TBC1D30: variants seen among roughly 807,000 people sequenced by gnomAD.
The protein encoded by TBC1D30 is TBC1 domain family member 30.
Under a neutral mutation model 63.2 loss-of-function variants are expected in TBC1D30, and 31 were observed. The ratio of observed to expected loss-of-function variants is 0.49; its 90% CI spans 0.37 to 0.66. The LOEUF (loss-of-function observed/expected upper bound fraction) is 0.66, where lower values mean the gene tolerates loss of function less well. TBC1D30 is among the 30% of genes least tolerant of loss of function. The probability of loss-of-function intolerance (pLI) is 0.00; values close to 1 mark genes in which losing one functional copy is unlikely to be tolerated. For missense variants in TBC1D30, 810 were observed against 953.6 expected, an observed-to-expected ratio of 0.85 and a Z score of 1.98; for synonymous variants, 307 against 361.5, an observed-to-expected ratio of 0.85 and a Z score of 1.71.
intron 1 of TBC1D30, among the ~76,000 whole-genome samples, chr12:64,769,556 T>G (rs1870832977): frequency 6.6e-6 from 1 of 151,278 alleles, no homozygotes; most frequent in South Asian, 2.1e-4. Flanking sequence ...TTTTTTTTTT[T>G]TTTGTATTTT....
intron 2 of TBC1D30, among the ~76,000 whole-genome samples, chr12:64,807,756 A>G (rs962251858): frequency 6.6e-6 from 1 of 151,762 alleles, no homozygotes; most frequent in Non-Finnish European, 1.5e-5. Context: ...AATTTTTTAA[A>G]TTTTTTAGAG....
In TBC1D30 at chr12:64,875,358, G is replaced by A. The variant is rs938617736; in HGVS notation, c.1856G>A (p.Gly619Glu). 6.5e-7 allele frequency: 1 copy of A among 1,536,232 alleles called. No homozygotes were observed. Among genetic ancestry groups the A allele is most frequent in the Non-Finnish European group, 8.7e-7 (1 of 1,146,920 alleles). The change falls in exon 12 of 12, where the codon GGG (glycine) becomes GAG (glutamate). Residue 619 changes from glycine (G) to glutamate (E), a missense_variant. Transcript: ENST00000539867. ...AFPSGCTATA[G>E]REGSSPEGST... ...CCCTCTGGTTGTACAGCGACAGCTG[G>A]GAGAGAAGGCAGCAGCCCTGAAGGC...
At chr12:64,818,348 T>A in intron 2 of TBC1D30, 1 of 943,136 alleles carries the variant, frequency 1.1e-6, no homozygotes, top group Non-Finnish European at 1.3e-6. Context: ...GTAGCAAGAA[T>A]GGTATCTCTC....
In TBC1D30 at chr12:64,877,797, C is replaced by A. The variant is rs976265623; in HGVS notation, c.*2009C>A. 1 of 152,244 alleles carries A rather than the reference C, an allele frequency of 6.6e-6. No homozygotes were observed. Among genetic ancestry groups the A allele is most frequent in the African/African-American group, 2.4e-5 (1 of 41,432 alleles). The allele number at this position is 152,244 out of a possible 1,614,324, so 9.4% of individuals were successfully genotyped here. ...TCCACCTCATATCCTTTTCTTTGCC[C>A]CTTCTCAAATGAGTCAGAATAGTCA... On this transcript the variant is annotated 3_prime_UTR_variant, in exon 12 of 12. Coordinates refer to ENST00000539867, the MANE Select transcript of TBC1D30 (RefSeq NM_015279.2).
chr12:64,840,485 T>C (rs550732829), intron 7 of TBC1D30, among the ~76,000 whole-genome samples: 1 of 152,214 alleles, frequency 6.6e-6, no homozygotes, highest in Non-Finnish European at 1.5e-5. Flanking sequence ...AGGGATGTCA[T>C]ACTGTTGAAA....
In TBC1D30 at chr12:64,785,991, C is replaced by T; in HGVS notation, c.589C>T (p.Gln197Ter). ...GAAAGATAGGCTTCTGCATAAAGTGCAGAGGAACTGTGATATTGTGACTGC... is the reference window on the plus strand; with the variant it reads ...GAAAGATAGGCTTCTGCATAAAGTGTAGAGGAACTGTGATATTGTGACTGC... The change falls in exon 2 of 13, where the codon CAG becomes TAG. Residue 197 changes from glutamine to a stop codon, truncating the protein, a stop_gained. Transcript: ENST00000542120. LOFTEE classifies it high-confidence loss of function. 2 of 1,289,822 alleles carry T rather than the reference C, an allele frequency of 1.6e-6. No individual in the cohort carries two copies. Among genetic ancestry groups the T allele is most frequent in the Non-Finnish European group, 2.0e-6 (2 of 988,866 alleles). The allele number at this position is 1,289,822 out of a possible 1,614,324, so 79.9% of individuals were successfully genotyped here. A position where few individuals can be genotyped will look rare whatever the true frequency, so the allele number is the denominator to read the frequency against.
At chr12:64,775,102 A>ATAT (rs199784039) in intron 1 of TBC1D30, among the ~76,000 whole-genome samples, 4 of 145,378 alleles carry the variant, frequency 2.8e-5, no homozygotes, top group East Asian at 3.9e-4. Flanking sequence ...CAAAAAAAAA[A>ATAT]AAATATATAT....
chr12:64,798,693 G>A (rs971685859), intron 2 of TBC1D30, among the ~76,000 whole-genome samples: 4 of 151,704 alleles, frequency 2.6e-5, no homozygotes, highest in Non-Finnish European at 2.9e-5. Context: ...AGCTCAGAGT[G>A]TTCTCTGTGT....
chr12:64,816,705 C>A (rs558658085), intron 2 of TBC1D30, among the ~76,000 whole-genome samples: 1 of 152,334 alleles, frequency 6.6e-6, no homozygotes, highest in South Asian at 2.1e-4. Flanking sequence ...TCTCCTGAGG[C>A]TGGATGTTAT....
At chr12:64,822,364 A>G (rs192464152), upstream of TBC1D30, among the ~76,000 whole-genome samples, 32 of 152,214 alleles carry the variant, frequency 2.1e-4, no homozygotes, top group African/African-American at 7.2e-4. Flanking sequence ...TTATTTTTGC[A>G]GAAACAGGGT....
chr12:64,788,722 A>G (rs1049672216), intron 2 of TBC1D30, among the ~76,000 whole-genome samples: 1 of 152,158 alleles, frequency 6.6e-6, no homozygotes, highest in Non-Finnish European at 1.5e-5. Context: ...AGGGTTTTGC[A>G]TTTCAGAGAA....
chr12:64,866,265 CAT>C (rs1303369727), intron 9 of TBC1D30, among the ~76,000 whole-genome samples: 14 of 152,070 alleles, frequency 9.2e-5, no homozygotes. Context: ...AGCATGTAGT[CAT>C]ATTTGCTTAT....
intron 2 of TBC1D30, among the ~76,000 whole-genome samples, chr12:64,812,976 C>T (rs1873302143): frequency 6.6e-6 from 1 of 152,060 alleles, no homozygotes; most frequent in African/African-American, 2.4e-5. Context: ...AGTGATCTTG[C>T]ATTAAATTTC....
At chr12:64,796,499 G>T (rs1872282162) in intron 2 of TBC1D30, among the ~76,000 whole-genome samples, 2 of 152,082 alleles carry the variant, frequency 1.3e-5, no homozygotes, top group South Asian at 2.1e-4. Context: ...TGCCACAAGG[G>T]TAAGACAGCC....
chr12:64,874,919 A>G (rs2136488179), intron 11 of TBC1D30, 82 bp from the exon 12 acceptor site: 3 of 1,320,286 alleles, frequency 2.3e-6, no homozygotes, highest in South Asian at 1.5e-5. Context: ...CGGGGCTGGG[A>G]GGACCTCTAA....
intron 2 of TBC1D30, among the ~76,000 whole-genome samples, chr12:64,803,759 C>T (rs1038859451): frequency 7.9e-5 from 12 of 152,270 alleles, no homozygotes; most frequent in African/African-American, 2.9e-4. Context: ...ATAGGGAATC[C>T]TTTCCCCATT....
rs148206714 is a variant in TBC1D30 at position 64,839,865 on chromosome 12, C to T, written c.932+1014C>T. 7.0e-4 allele frequency among the ~76,000 whole-genome samples: 107 copies of T among 151,930 alleles called. 3 individuals are homozygous for T. The East Asian group carries it at 0.017, about 24-fold the overall frequency. ...CTAAATATACAAAAAATTAGCTGGGCGTAGTGGTGGGCACCTGTATTCCCA... is the reference window on the plus strand; with the variant it reads ...CTAAATATACAAAAAATTAGCTGGGTGTAGTGGTGGGCACCTGTATTCCCA... On this transcript the variant is annotated intron_variant, in intron 7 of 11. Transcript: ENST00000539867.
chr12:64,827,112 G>T (rs929847459), intron 1 of TBC1D30, among the ~76,000 whole-genome samples: 3 of 152,078 alleles, frequency 2.0e-5, no homozygotes, highest in African/African-American at 7.2e-5. Flanking sequence ...GTTATTGATA[G>T]TATTTGGCAT....
At chr12:64,786,815 C>T (rs1343396388) in intron 2 of TBC1D30, among the ~76,000 whole-genome samples, 2 of 151,826 alleles carry the variant, frequency 1.3e-5, no homozygotes, top group African/African-American at 4.8e-5. Context: ...TGGTGGCTGG[C>T]ACCTGTAGTC....
Sources: allele counts gnomAD v4.1 joint callset (sites outside exome capture counted in the v4.1 genomes callset), GRCh38; gene constraint gnomAD v4.1.1; transcripts MANE v1.5; gene names NCBI Gene and HGNC (gene_info 2026-07-23, HGNC 2026-07-21).